ZNF804B: variants seen among roughly 807,000 people sequenced by gnomAD.
The protein encoded by ZNF804B is zinc finger 804B.
Under a neutral mutation model 101.4 loss-of-function variants are expected in ZNF804B, and 80 were observed. The observed-to-expected ratio is 0.79, with a 90% CI of 0.66 to 0.95. The LOEUF is 0.95. Among genes scored for constraint, ZNF804B ranks in the 40% least tolerant of loss-of-function variants. ZNF804B has a pLI of 0.00. For missense variants in ZNF804B, 1,673 were observed against 1,561.9 expected (o/e 1.07, Z -1.20); for synonymous variants, 622 against 558.8 (o/e 1.11, Z -1.59).
intron 1 of ZNF804B, among the ~76,000 whole-genome samples, chr7:88,849,427 A>G (rs1791419241): frequency 6.6e-6 from 1 of 151,916 alleles, no homozygotes; most frequent in African/African-American, 2.4e-5. Flanking sequence ...TATATTTTTA[A>G]TTATAAATAT....
At chr7:88,921,772 C>T (rs994051317) in intron 1 of ZNF804B, among the ~76,000 whole-genome samples, 8 of 151,886 alleles carry the variant, frequency 5.3e-5, no homozygotes, top group Non-Finnish European at 8.8e-5. Context: ...GTCTTTCTTT[C>T]CCAGGGAAAA....
chr7:88,786,654 T>C (rs1057095696), intron 1 of ZNF804B, among the ~76,000 whole-genome samples: 1 of 152,072 alleles, frequency 6.6e-6, no homozygotes, highest in Non-Finnish European at 1.5e-5. Flanking sequence ...TTTAATATAA[T>C]TTATATGACC....
intron 1 of ZNF804B, among the ~76,000 whole-genome samples, chr7:88,963,368 A>G (rs1793414256): frequency 6.6e-6 from 1 of 151,346 alleles, no homozygotes; most frequent in South Asian, 2.1e-4. Flanking sequence ...GTCCTCATGT[A>G]TATGGTCAAA....
chr7:89,139,916 G>A (rs901709091), intron 1 of ZNF804B, among the ~76,000 whole-genome samples: 1 of 152,004 alleles, frequency 6.6e-6, no homozygotes, highest in African/African-American at 2.4e-5. Context: ...TTTCTGGAAG[G>A]TATTCAATTT....
At chr7:88,809,050 T>C (rs1790734691) in intron 1 of ZNF804B, among the ~76,000 whole-genome samples, 1 of 152,178 alleles carries the variant, frequency 6.6e-6, no homozygotes, top group Non-Finnish European at 1.5e-5. Flanking sequence ...TAATTTATAG[T>C]AGAAGTATCT....
At chr7:89,305,246 A>G (rs1310478700) in intron 2 of ZNF804B, among the ~76,000 whole-genome samples, 1 of 152,006 alleles carries the variant, frequency 6.6e-6, no homozygotes, top group Admixed American at 6.6e-5. Context: ...AAATATTTTG[A>G]TACACGTTAA....
chr7:88,963,551 A>G (rs1250659571), intron 1 of ZNF804B, among the ~76,000 whole-genome samples: 1 of 151,440 alleles, frequency 6.6e-6, no homozygotes, highest in Non-Finnish European at 1.5e-5. Flanking sequence ...ATCTAAACAT[A>G]TGAGTAAAAA....
At chr7:89,296,268 AT>A (rs1040244836) in intron 2 of ZNF804B, among the ~76,000 whole-genome samples, 51 of 152,098 alleles carry the variant, frequency 3.4e-4, no homozygotes, top group Non-Finnish European at 6.5e-4. Flanking sequence ...CAGGAAAAAA[AT>A]CTCTATCTAT....
At chr7:88,988,250 T>C (rs541115053) in intron 1 of ZNF804B, among the ~76,000 whole-genome samples, 1 of 150,806 alleles carries the variant, frequency 6.6e-6, no homozygotes, top group Admixed American at 6.6e-5. Context: ...ATCATGAAAG[T>C]GTGGATTCAC....
intron 1 of ZNF804B, among the ~76,000 whole-genome samples, chr7:89,188,004 G>T (rs1475962749): frequency 6.6e-6 from 1 of 152,038 alleles, no homozygotes; most frequent in African/African-American, 2.4e-5. Flanking sequence ...TGCTTGTGTG[G>T]GTTGGGAAAG....
chr7:88,804,797 G>A (rs1036724354), intron 1 of ZNF804B, among the ~76,000 whole-genome samples: 4 of 151,990 alleles, frequency 2.6e-5, no homozygotes, highest in Non-Finnish European at 4.4e-5. Context: ...ATTGTCACAT[G>A]GAATGGAGAA....
chr7:89,297,527 A>G (rs542860709), intron 2 of ZNF804B, among the ~76,000 whole-genome samples: 62 of 152,144 alleles, frequency 4.1e-4, no homozygotes, highest in African/African-American at 1.4e-3. Flanking sequence ...ATCGTAATAT[A>G]TTTTTTGAAA....
intron 1 of ZNF804B, among the ~76,000 whole-genome samples, chr7:88,852,977 C>G (rs1053044541): frequency 5.9e-5 from 9 of 152,088 alleles, no homozygotes; most frequent in African/African-American, 2.2e-4. Context: ...TCCTCTCCTC[C>G]AACCCATTTC....
At chr7:88,822,927 T>A (rs778553294) in intron 1 of ZNF804B, among the ~76,000 whole-genome samples, 1 of 152,076 alleles carries the variant, frequency 6.6e-6, no homozygotes, top group African/African-American at 2.4e-5. Flanking sequence ...ATGCAATAAA[T>A]AGGCCGGACA....
Position 88,960,846 on chromosome 7 carries a change from T to C in ZNF804B, c.108+200762T>C, listed in dbSNP as rs1392838870. 2.0e-5 allele frequency among the ~76,000 whole-genome samples: 3 copies of C among 151,528 alleles called. No individual in the cohort carries two copies. In the East Asian group the frequency reaches 5.9e-4, roughly 30 times the overall value. ...ATGGTGTAGCTGTTTTTGGAACAAA[T>C]ATTTATTGAAAAAAAGAAAATATTC... On this transcript the variant is annotated intron_variant, in intron 1 of 3. Transcript: ENST00000333190.
chr7:89,035,655 A>G (rs1019717378), intron 1 of ZNF804B, among the ~76,000 whole-genome samples: 1 of 151,808 alleles, frequency 6.6e-6, no homozygotes, highest in Non-Finnish European at 1.5e-5. Context: ...TTAACAATCA[A>G]TTAGAATTTC....
intron 1 of ZNF804B, among the ~76,000 whole-genome samples, chr7:89,217,132 G>C (rs760609652): frequency 6.6e-6 from 1 of 152,132 alleles, no homozygotes; most frequent in South Asian, 2.1e-4. Context: ...GGAATAAATA[G>C]ACATGAAAAC....
At chr7:89,153,528 G>T (rs1355610720) in intron 1 of ZNF804B, among the ~76,000 whole-genome samples, 5 of 151,534 alleles carry the variant, frequency 3.3e-5, no homozygotes, top group Non-Finnish European at 5.9e-5. Context: ...GAGCAAAAAT[G>T]AATTTCCGAA....
intron 1 of ZNF804B, among the ~76,000 whole-genome samples, chr7:88,909,773 AACTT>A (rs774339908): frequency 2.7e-5 from 4 of 150,290 alleles, no homozygotes; most frequent in Non-Finnish European, 5.9e-5. Context: ...TTTTTTTTTT[AACTT>A]ACTTCCTTAG....
Sources: allele counts gnomAD v4.1 joint callset (sites outside exome capture counted in the v4.1 genomes callset), GRCh38; gene constraint gnomAD v4.1.1; transcripts MANE v1.5; gene names NCBI Gene and HGNC (gene_info 2026-07-23, HGNC 2026-07-21).